Variants in CDH2 observed in about 807,000 individuals in gnomAD.
CDH2 encodes the protein cadherin-2.
Under a neutral mutation model 92.0 loss-of-function variants are expected in CDH2, and 17 were observed. That is an observed-to-expected ratio of 0.18 (90% CI 0.13 to 0.28). The LOEUF is 0.28. Ranked by LOEUF, CDH2 falls within the 10% of genes least tolerant of loss-of-function variation. CDH2 has a pLI of 1.00. For missense variants in CDH2, 862 were observed against 1,133.1 expected (o/e 0.76, Z 3.44); for synonymous variants, 419 against 415.9 (o/e 1.01, Z -0.09).
chr18:27,977,720 A>G (rs17468116), intron 14 of CDH2, among the ~76,000 whole-genome samples: 1 of 152,170 alleles, frequency 6.6e-6, no homozygotes, highest in African/African-American at 2.4e-5. Context: ...AAGCTCAATA[A>G]ACAACATGTG....
intron 7 of CDH2, among the ~76,000 whole-genome samples, chr18:27,994,664 G>A (rs1196166195): frequency 6.6e-6 from 1 of 152,146 alleles, no homozygotes; most frequent in Non-Finnish European, 1.5e-5. Flanking sequence ...TCACTGCAAA[G>A]TGCAGTTTTC....
intron 7 of CDH2, among the ~76,000 whole-genome samples, chr18:28,001,358 A>G (rs1017696188): frequency 2.0e-5 from 3 of 152,240 alleles, no homozygotes; most frequent in Non-Finnish European, 2.9e-5. Context: ...GAATATTACC[A>G]TATGAAAACA....
intron 1 of CDH2, among the ~76,000 whole-genome samples, chr18:28,163,863 T>C (rs973502264): frequency 1.3e-5 from 2 of 152,052 alleles, no homozygotes; most frequent in East Asian, 1.9e-4. Context: ...AGGAAAGCAA[T>C]GAATAAATGT....
intron 2 of CDH2, among the ~76,000 whole-genome samples, chr18:28,096,479 C>G (rs188181245): frequency 1.3e-5 from 2 of 149,978 alleles, no homozygotes; most frequent in Admixed American, 1.3e-4. Flanking sequence ...ATTAGTAACA[C>G]ATTTCTGGAA....
chr18:28,036,342 T>G, intron 2 of CDH2: 1 of 654,094 alleles, frequency 1.5e-6, no homozygotes, highest in Admixed American at 2.9e-5. Context: ...GAAATTCACA[T>G]AAGCATTAAA....
intron 6 of CDH2, among the ~76,000 whole-genome samples, chr18:28,003,731 G>T (rs539574142): frequency 6.6e-6 from 1 of 152,144 alleles, no homozygotes; most frequent in Non-Finnish European, 1.5e-5. Context: ...ATTTGGCATC[G>T]TGGTTCATTA....
At position 28,103,267 on chromosome 18, in the gene CDH2, TTATATA is replaced by T. The variant is rs546854876; in HGVS notation, c.172+44400_172+44405del. Among the ~76,000 whole-genome samples, 271 of 94,554 alleles carry T rather than the reference TTATATA, an allele frequency of 2.9e-3. 4 individuals carry two copies. Among genetic ancestry groups the T allele is most frequent in the African/African-American group, 0.011 (240 of 21,820 alleles). The allele number at this position is 94,554 out of a possible 152,430, so 62.0% of individuals were successfully genotyped here. On this transcript the variant is annotated intron_variant, in intron 2 of 15. Transcript: ENST00000269141. ...ATAAAGTATATATATAAAAACTCCTTTATATATATAAAGTATATATATAAAAACTCC... is the reference window on the plus strand; with the variant it reads ...ATAAAGTATATATATAAAAACTCCTTTATAAAGTATATATATAAAAACTCC...
At chr18:28,166,274 C>T (rs1028013518) in intron 1 of CDH2, among the ~76,000 whole-genome samples, 8 of 150,558 alleles carry the variant, frequency 5.3e-5, no homozygotes, top group Non-Finnish European at 8.9e-5. Context: ...AGTAACCTGT[C>T]TTTCCAAATG....
intron 2 of CDH2, among the ~76,000 whole-genome samples, chr18:28,037,650 T>C (rs1304248796): frequency 1.3e-5 from 2 of 152,110 alleles, no homozygotes; most frequent in Non-Finnish European, 2.9e-5. Context: ...AGCTAACCAC[T>C]GCTTAAAATA....
chr18:28,088,050 C>T (rs755663064), intron 2 of CDH2, among the ~76,000 whole-genome samples: 57 of 152,148 alleles, frequency 3.7e-4, no homozygotes, highest in Non-Finnish European at 1.2e-4. Flanking sequence ...CCTTCAGTAA[C>T]TAGGCTGCTT....
chr18:28,120,686 G>A (rs2015572945), intron 2 of CDH2, among the ~76,000 whole-genome samples: 1 of 152,028 alleles, frequency 6.6e-6, no homozygotes, highest in Non-Finnish European at 1.5e-5. Context: ...TTATGCCCAA[G>A]TCAGAGAGAA....
intron 1 of CDH2, among the ~76,000 whole-genome samples, chr18:28,153,432 GAA>G (rs1418991570): frequency 6.6e-6 from 1 of 152,158 alleles, no homozygotes; most frequent in Non-Finnish European, 1.5e-5. Flanking sequence ...TATGTATCAA[GAA>G]AGTCTAATGA....
At position 28,147,735 on chromosome 18, in the gene CDH2, G is replaced by A. The variant is rs774902934; in HGVS notation, c.110C>T (p.Pro37Leu). 4.3e-6 allele frequency: 7 copies of A among 1,612,270 alleles called. No homozygotes were observed. In the African/African-American group the frequency reaches 6.7e-5, roughly 15 times the overall value. The change falls in exon 2 of 16, where the codon CCT (proline) becomes CTT (leucine). Residue 37 changes from proline (P) to leucine (L), a missense_variant. Around this residue, in one of 5 missense-constraint regions of CDH2, gnomAD observed 159 missense variants for 177.2 expected, o/e 0.90. Transcript: ENST00000269141. ...GEIALCKTGFPEDVYSAVLSK... is the reference protein window; with the variant it reads ...GEIALCKTGFLEDVYSAVLSK... ...TAAGACTGCACTGTAAACATCTTCA[G>A]GAAATCCAGTCTTGCATAATGCGAT...
intron 2 of CDH2, among the ~76,000 whole-genome samples, chr18:28,140,492 A>G (rs1231235): frequency 0.81 from 122,692 of 151,598 alleles, 49,816 homozygotes; most frequent in Admixed American, 0.83. Flanking sequence ...ATGGCTCTGT[A>G]CTTATGAATG....
intron 1 of CDH2, among the ~76,000 whole-genome samples, chr18:28,167,561 T>C (rs1206824300): frequency 6.6e-6 from 1 of 151,980 alleles, no homozygotes; most frequent in Non-Finnish European, 1.5e-5. Context: ...AAAGTATAAA[T>C]GAGCAAAAAA....
chr18:28,086,002 G>A (rs918132443), intron 2 of CDH2, among the ~76,000 whole-genome samples: 6 of 152,054 alleles, frequency 3.9e-5, no homozygotes, highest in African/African-American at 1.4e-4. Context: ...GCTCACCACT[G>A]TATTATAAAC....
chr18:27,953,956 T>C (rs562019012), intron 15 of CDH2, among the ~76,000 whole-genome samples: 2 of 152,254 alleles, frequency 1.3e-5, no homozygotes, highest in African/African-American at 4.8e-5. Context: ...AGAAACAAAA[T>C]GGCAGCTGCT....
intron 7 of CDH2, among the ~76,000 whole-genome samples, chr18:28,001,605 A>G (rs1382284093): frequency 6.6e-6 from 1 of 152,230 alleles, no homozygotes; most frequent in African/African-American, 2.4e-5. Context: ...TTACTGAACT[A>G]AAAGTACTAC....
intron 1 of CDH2, among the ~76,000 whole-genome samples, chr18:28,148,751 G>C (rs575284432): frequency 6.6e-6 from 1 of 152,294 alleles, no homozygotes; most frequent in Non-Finnish European, 1.5e-5. Context: ...AAGAAGAAGG[G>C]AAGTCCCAGA....
Sources: allele counts gnomAD v4.1 joint callset (sites outside exome capture counted in the v4.1 genomes callset), GRCh38; gene constraint gnomAD v4.1.1; regional missense constraint gnomAD v4.1.1; transcripts MANE v1.5; gene names NCBI Gene and HGNC (gene_info 2026-07-23, HGNC 2026-07-21).